Variants in GALNT17 observed in about 807,000 individuals in gnomAD.
GALNT17 encodes UDP-GalNAc:polypeptide N-acetylgalactosaminyltransferase-like 3.
A neutral mutation model predicts 63.7 loss-of-function variants in GALNT17; 29 were observed. The observed-to-expected ratio is 0.46, with a 90% CI of 0.34 to 0.62. The LOEUF (loss-of-function observed/expected upper bound fraction) is 0.62, where lower values mean the gene tolerates loss of function less well. GALNT17 is among the 20% of genes least tolerant of loss of function. GALNT17 has a pLI of 0.01. For missense variants in GALNT17, 603 were observed against 799.6 expected (o/e 0.75, Z 2.97); for synonymous variants, 305 against 318.3 (o/e 0.96, Z 0.45).
chr7:71,675,736 CA>C (rs1403243828), intron 8 of GALNT17, among the ~76,000 whole-genome samples: 1 of 152,186 alleles, frequency 6.6e-6, no homozygotes, highest in Non-Finnish European at 1.5e-5. Flanking sequence ...CCTATAATCC[CA>C]GCACTTTGGG....
At chr7:71,213,851 A>G in intron 1 of GALNT17, among the ~76,000 whole-genome samples, 1 of 152,072 alleles carries the variant, frequency 6.6e-6, no homozygotes, top group Non-Finnish European at 1.5e-5. Context: ...TGTCCCCCTT[A>G]TTGATTACAT....
chr7:71,499,457 T>C (rs1788146434), intron 5 of GALNT17, among the ~76,000 whole-genome samples: 1 of 152,180 alleles, frequency 6.6e-6, no homozygotes, highest in South Asian at 2.1e-4. Context: ...GTAGACATTA[T>C]TGTAAGTGGG....
intron 2 of GALNT17, among the ~76,000 whole-genome samples, chr7:71,364,674 AG>A (rs1311025105): frequency 6.6e-6 from 1 of 152,168 alleles, no homozygotes; most frequent in Non-Finnish European, 1.5e-5. Flanking sequence ...GGGAGAAAAG[AG>A]GGAGGTATGT....
At chr7:71,660,891 AAC>A (rs1790898497) in intron 6 of GALNT17, among the ~76,000 whole-genome samples, 1 of 152,182 alleles carries the variant, frequency 6.6e-6, no homozygotes, top group Non-Finnish European at 1.5e-5. Context: ...ACCCCCAGCC[AAC>A]ACAGAGCAGA....
At chr7:71,461,274 T>TA (rs1787446378) in intron 5 of GALNT17, among the ~76,000 whole-genome samples, 1 of 152,204 alleles carries the variant, frequency 6.6e-6, no homozygotes, top group Admixed American at 6.5e-5. Flanking sequence ...ACATTGGAAA[T>TA]ACTATCTCCA....
intron 1 of GALNT17, among the ~76,000 whole-genome samples, chr7:71,230,864 A>G (rs1252170609): frequency 1.3e-5 from 2 of 152,084 alleles, no homozygotes; most frequent in Non-Finnish European, 1.5e-5. Context: ...CCCCAAACCA[A>G]CGTCGTCAAG....
At chr7:71,418,500 G>T (rs950111039) in intron 4 of GALNT17, among the ~76,000 whole-genome samples, 3 of 152,194 alleles carry the variant, frequency 2.0e-5, no homozygotes, top group Non-Finnish European at 4.4e-5. Context: ...TGTGTTCTGA[G>T]AGTCAAGGAA....
intron 7 of GALNT17, among the ~76,000 whole-genome samples, chr7:71,669,193 G>C (rs1380260325): frequency 6.6e-6 from 1 of 152,040 alleles, no homozygotes; most frequent in Non-Finnish European, 1.5e-5. Flanking sequence ...CCCTGGCCTG[G>C]GTCTGGATGA....
intron 1 of GALNT17, among the ~76,000 whole-genome samples, chr7:71,213,728 A>G (rs1789424425): frequency 6.6e-6 from 1 of 152,078 alleles, no homozygotes; most frequent in South Asian, 2.1e-4. Flanking sequence ...TTATATTTGG[A>G]TCATCTTCTG....
At chr7:71,380,555 C>T (rs1792826054) in intron 2 of GALNT17, among the ~76,000 whole-genome samples, 1 of 152,030 alleles carries the variant, frequency 6.6e-6, no homozygotes, top group Non-Finnish European at 1.5e-5. Flanking sequence ...CTCCTGGCCT[C>T]AACAATCCTC....
intron 6 of GALNT17, among the ~76,000 whole-genome samples, chr7:71,621,065 A>G (rs909875416): frequency 1.6e-4 from 25 of 152,362 alleles, no homozygotes; most frequent in African/African-American, 6.0e-4. Context: ...TGTTAATTAT[A>G]GGCTTAAGTC....
At chr7:71,453,523 T>G (rs1046720088) in intron 5 of GALNT17, among the ~76,000 whole-genome samples, 1 of 152,130 alleles carries the variant, frequency 6.6e-6, no homozygotes, top group African/African-American at 2.4e-5. Context: ...TTCACTACCA[T>G]GAGAGCAGGT....
At chr7:71,146,875 G>A (rs993865440) in intron 1 of GALNT17, among the ~76,000 whole-genome samples, 6 of 152,256 alleles carry the variant, frequency 3.9e-5, no homozygotes, top group South Asian at 2.1e-4. Flanking sequence ...ACCAACACAC[G>A]AGCGTGCTGA....
At chr7:71,588,712 T>G (rs1789755351) in intron 6 of GALNT17, among the ~76,000 whole-genome samples, 1 of 152,214 alleles carries the variant, frequency 6.6e-6, no homozygotes, top group East Asian at 1.9e-4. Context: ...CCAGAGAAGC[T>G]GCCAATCTGG....
intron 1 of GALNT17, among the ~76,000 whole-genome samples, chr7:71,199,201 G>C (rs904202058): frequency 1.3e-5 from 2 of 152,162 alleles, no homozygotes; most frequent in Non-Finnish European, 2.9e-5. Context: ...AATTTACAAG[G>C]CAAGGAGCCC....
chr7:71,704,332 C>T, intron 9 of GALNT17, among the ~76,000 whole-genome samples: 1 of 152,078 alleles, frequency 6.6e-6, no homozygotes, highest in East Asian at 1.9e-4. Flanking sequence ...AAGACATGTA[C>T]ACTGAAAATG....
intron 9 of GALNT17, among the ~76,000 whole-genome samples, chr7:71,680,805 CTT>C (rs1562734572): frequency 1.4e-4 from 20 of 145,280 alleles, no homozygotes; most frequent in African/African-American, 5.3e-4. Context: ...TCCTTCCTTC[CTT>C]TCTTCCTTCC....
At chr7:71,400,428 A>G (rs1013582903) in intron 3 of GALNT17, among the ~76,000 whole-genome samples, 2 of 152,028 alleles carry the variant, frequency 1.3e-5, no homozygotes, top group African/African-American at 2.4e-5. Flanking sequence ...ATTTCTCTCA[A>G]CTTTTGCTTC....
At chr7:71,547,320 A>C (rs1452410642) in intron 5 of GALNT17, among the ~76,000 whole-genome samples, 1 of 151,932 alleles carries the variant, frequency 6.6e-6, no homozygotes, top group Non-Finnish European at 1.5e-5. Context: ...CCCTGTCACC[A>C]CACCTGGCTA....
Sources: gnomAD v4.1 joint callset for allele counts (sites outside exome capture counted in the v4.1 genomes callset) on GRCh38, gnomAD v4.1.1 for gene constraint, MANE v1.5 for transcripts, NCBI Gene and HGNC (gene_info 2026-07-23, HGNC 2026-07-21) for gene names.